ITGBL1: variants seen among roughly 807,000 people sequenced by gnomAD.
The protein encoded by ITGBL1 is integrin subunit beta like 1.
In ITGBL1, 51 loss-of-function variants were observed where a neutral mutation model predicts 68.5. The ratio of observed to expected loss-of-function variants is 0.74; its 90% confidence interval spans 0.59 to 0.94. ITGBL1 has a LOEUF of 0.94. Ranked by LOEUF, ITGBL1 falls within the 40% of genes least tolerant of loss-of-function variation. The pLI is 0.00. For synonymous variants in ITGBL1, 209 were observed against 227.3 expected (o/e 0.92, Z 0.72); for missense variants, 649 against 647.4 (o/e 1.00, Z -0.03).
chr13:101,640,478 T>C (rs935989681), intron 7 of ITGBL1, among the ~76,000 whole-genome samples: 1 of 152,190 alleles, frequency 6.6e-6, no homozygotes, highest in Admixed American at 6.6e-5. Context: ...GGGTACATTT[T>C]TTACTACCTG....
intron 7 of ITGBL1, among the ~76,000 whole-genome samples, chr13:101,622,839 G>A (rs1319468089): frequency 6.6e-6 from 1 of 151,666 alleles, no homozygotes; most frequent in African/African-American, 2.4e-5. Flanking sequence ...GTTAGTTCTA[G>A]GTTCCCCAGC....
At chr13:101,695,575 G>T (rs1158174650) in intron 8 of ITGBL1, among the ~76,000 whole-genome samples, 1 of 152,198 alleles carries the variant, frequency 6.6e-6, no homozygotes, top group Admixed American at 6.6e-5. Context: ...ATGTGTGTTT[G>T]TGGGTTGGTA....
At chr13:101,672,743 CG>C (rs2033408943) in intron 7 of ITGBL1, among the ~76,000 whole-genome samples, 1 of 152,136 alleles carries the variant, frequency 6.6e-6, no homozygotes, top group Non-Finnish European at 1.5e-5. Flanking sequence ...CAGACAGAGA[CG>C]GCTGCTCTCC....
intron 2 of ITGBL1, among the ~76,000 whole-genome samples, chr13:101,487,214 C>A (rs2048713603): frequency 6.6e-6 from 1 of 152,114 alleles, no homozygotes; most frequent in Admixed American, 6.5e-5. Context: ...ATGATCCTGT[C>A]AAATTGCTCA....
At chr13:101,546,416 T>C (rs1175216879) in intron 2 of ITGBL1, among the ~76,000 whole-genome samples, 1 of 151,816 alleles carries the variant, frequency 6.6e-6, no homozygotes, top group Non-Finnish European at 1.5e-5. Context: ...ATGAAACAAA[T>C]GAAAATGAAC....
At chr13:101,603,066 G>A (rs557365695) in intron 7 of ITGBL1, among the ~76,000 whole-genome samples, 1 of 152,040 alleles carries the variant, frequency 6.6e-6, no homozygotes, top group African/African-American at 2.4e-5. Context: ...GGGTGGACAT[G>A]TCTTTTAATT....
intron 2 of ITGBL1, among the ~76,000 whole-genome samples, chr13:101,528,241 AG>A (rs780821504): frequency 4.0e-5 from 6 of 151,302 alleles, no homozygotes; most frequent in Admixed American, 3.3e-4. Context: ...ATTTAATCTA[AG>A]TTTTCAATTT....
chr13:101,639,901 A>G (rs1334258377), intron 7 of ITGBL1, among the ~76,000 whole-genome samples: 4 of 152,164 alleles, frequency 2.6e-5, no homozygotes, highest in African/African-American at 9.6e-5. Context: ...TACTGATTGA[A>G]GGGTTCAATA....
chr13:101,472,016 CAATT>C (rs796368917), intron 2 of ITGBL1, among the ~76,000 whole-genome samples: 546 of 34,400 alleles, frequency 0.016, 4 homozygotes, highest in African/African-American at 0.044. Context: ...CCATATTAAT[CAATT>C]ACATAGTAAA....
At chr13:101,576,253 C>A (rs559105127) in intron 4 of ITGBL1, among the ~76,000 whole-genome samples, 1 of 152,078 alleles carries the variant, frequency 6.6e-6, no homozygotes, top group Non-Finnish European at 1.5e-5. Context: ...AATTTGGGCT[C>A]GTGTCTGTGT....
chr13:101,649,822 T>C (rs1465987320), intron 7 of ITGBL1, among the ~76,000 whole-genome samples: 1 of 152,206 alleles, frequency 6.6e-6, no homozygotes, highest in Non-Finnish European at 1.5e-5. Context: ...TTAGGACACG[T>C]CTAGATTCCT....
intron 2 of ITGBL1, among the ~76,000 whole-genome samples, chr13:101,501,713 C>T (rs1236724591): frequency 6.6e-6 from 1 of 152,146 alleles, no homozygotes; most frequent in Non-Finnish European, 1.5e-5. Flanking sequence ...CTCTACTCCC[C>T]AGCAAGGTCA....
rs528033636 is a variant in ITGBL1 at position 101,547,342 on chromosome 13, A to G, written c.317-20357A>G. Among the ~76,000 whole-genome samples, 12 of 152,058 alleles carry G rather than the reference A, an allele frequency of 7.9e-5. No individual in the cohort carries two copies. In the East Asian group the frequency reaches 1.5e-3, roughly 20 times the overall value. On this transcript the variant is annotated intron_variant, in intron 2 of 10. Coordinates refer to ENST00000376180, the MANE Select transcript of ITGBL1 (RefSeq NM_004791.3). ...ATTTTCTAATTTATTAACTTCTGCTATCATCTTTAATTAGTCCTTCTCCTT... is the reference window on the plus strand; with the variant it reads ...ATTTTCTAATTTATTAACTTCTGCTGTCATCTTTAATTAGTCCTTCTCCTT...
chr13:101,512,893 T>G (rs1025095315), intron 2 of ITGBL1, among the ~76,000 whole-genome samples: 1 of 152,144 alleles, frequency 6.6e-6, no homozygotes, highest in Admixed American at 6.6e-5. Flanking sequence ...TACCAGGACA[T>G]AGCAGTGGTT....
intron 2 of ITGBL1, among the ~76,000 whole-genome samples, chr13:101,503,186 A>G (rs9300671): frequency 0.73 from 111,402 of 152,090 alleles, 40,848 homozygotes; most frequent in South Asian, 0.77. Flanking sequence ...GGTAAAATTA[A>G]GATTGAGGCA....
intron 2 of ITGBL1, among the ~76,000 whole-genome samples, chr13:101,555,606 C>T (rs143097982): frequency 6.6e-6 from 1 of 152,142 alleles, no homozygotes; most frequent in African/African-American, 2.4e-5. Context: ...ACAGACAACG[C>T]ACACAAGAAA....
intron 7 of ITGBL1, among the ~76,000 whole-genome samples, chr13:101,648,261 A>G (rs2032630083): frequency 1.3e-5 from 2 of 152,218 alleles, no homozygotes; most frequent in South Asian, 4.1e-4. Context: ...ATAGAAAGAG[A>G]AAGGTGAGAC....
intron 7 of ITGBL1, among the ~76,000 whole-genome samples, chr13:101,633,867 A>G (rs2032075119): frequency 6.6e-6 from 1 of 152,178 alleles, no homozygotes; most frequent in African/African-American, 2.4e-5. Context: ...AGTCATCACA[A>G]TAATGGTTAC....
chr13:101,458,976 A>G (rs1444067126), intron 2 of ITGBL1, among the ~76,000 whole-genome samples: 1 of 152,174 alleles, frequency 6.6e-6, no homozygotes, highest in Non-Finnish European at 1.5e-5. Context: ...AGTAAAATCA[A>G]TATGAATTAG....
Sources: allele counts gnomAD v4.1 joint callset (sites outside exome capture counted in the v4.1 genomes callset), GRCh38; gene constraint gnomAD v4.1.1; transcripts MANE v1.5; gene names NCBI Gene and HGNC (gene_info 2026-07-23, HGNC 2026-07-21).